The following EMCN variants were observed in gnomAD, a reference collection of about 807,000 sequenced individuals.
EMCN encodes the protein MUC-14.
In EMCN, 37 loss-of-function variants were observed where a neutral mutation model predicts 38.4. The ratio of observed to expected loss-of-function variants is 0.96; its 90% CI spans 0.74 to 1.27. The LOEUF (loss-of-function observed/expected upper bound fraction) is 1.27, where lower values mean the gene tolerates loss of function less well. Among genes scored for constraint, EMCN ranks in the 50% most tolerant of loss-of-function variants. The pLI, the probability that EMCN is intolerant of heterozygous loss-of-function variation, is 0.00. For synonymous variants in EMCN, 95 were observed against 100.8 expected, an observed-to-expected ratio of 0.94 and a Z score of 0.35; for missense variants, 318 against 302.8, an observed-to-expected ratio of 1.05 and a Z score of -0.37.
At chr4:100,476,132 A>G (rs1278084901) in intron 2 of EMCN, among the ~76,000 whole-genome samples, 1 of 151,944 alleles carries the variant, frequency 6.6e-6, no homozygotes, top group Non-Finnish European at 1.5e-5. Flanking sequence ...TCAGTTTGAT[A>G]CCTACTCTCC....
At chr4:100,508,817 T>C (rs1412972366) in intron 1 of EMCN, among the ~76,000 whole-genome samples, 2 of 152,188 alleles carry the variant, frequency 1.3e-5, no homozygotes, top group Non-Finnish European at 2.9e-5. Context: ...CTGGTATGAT[T>C]TGAACAGTCA....
At chr4:100,417,337 G>A (rs1376642433) in intron 8 of EMCN, among the ~76,000 whole-genome samples, 196 bp from the exon 9 acceptor site, 1 of 152,128 alleles carries the variant, frequency 6.6e-6, no homozygotes, top group Non-Finnish European at 1.5e-5. Flanking sequence ...TGGCACTCAT[G>A]GGATAGTCCT....
Position 100,395,759 on chromosome 4 carries a change from T to G in EMCN, c.*2654A>C, listed in dbSNP as rs1376094293. 1.3e-5 allele frequency: 2 copies of G among 152,152 alleles called. No homozygotes were observed. The highest frequency in any genetic ancestry group is 2.9e-5 in the Non-Finnish European group (2 of 68,022). 9.4% of individuals were successfully genotyped at this position (152,152 alleles called of 1,614,324 possible). A position where few individuals can be genotyped will look rare whatever the true frequency, so the allele number is the denominator to read the frequency against. ...ATAACACACAGATTTGTCAACCATA[T>G]GTAACAGAATAGTTCAGTTCAGCAA... On this transcript the variant is annotated 3_prime_UTR_variant, in exon 12 of 12. Coordinates refer to ENST00000296420, the MANE Select transcript of EMCN (RefSeq NM_016242.4).
At chr4:100,416,107 TAC>T in intron 9 of EMCN, 148 bp from the exon 10 acceptor site, 1 of 422,254 alleles carries the variant, frequency 2.4e-6, no homozygotes, top group Non-Finnish European at 4.2e-6. Context: ...TGTGTGTGTA[TAC>T]ATACATATAT....
intron 5 of EMCN, among the ~76,000 whole-genome samples, chr4:100,423,633 A>G (rs1325622967): frequency 2.0e-5 from 3 of 152,154 alleles, no homozygotes; most frequent in African/African-American, 7.2e-5. Context: ...CATCTTCAGG[A>G]ACTCGCCAAG....
At chr4:100,419,910 G>A (rs1387244555) in intron 8 of EMCN, among the ~76,000 whole-genome samples, 2 of 152,104 alleles carry the variant, frequency 1.3e-5, no homozygotes, top group Non-Finnish European at 2.9e-5. Context: ...GCAATGCATG[G>A]TGAGCAGGTG....
chr4:100,421,846 G>C (rs568435098), intron 7 of EMCN, among the ~76,000 whole-genome samples: 1 of 151,940 alleles, frequency 6.6e-6, no homozygotes, highest in African/African-American at 2.4e-5. Flanking sequence ...ACTAGAAAAG[G>C]CATAAAATAA....
intron 5 of EMCN, among the ~76,000 whole-genome samples, chr4:100,424,713 A>G (rs1198027875): frequency 2.6e-5 from 4 of 152,092 alleles, no homozygotes; most frequent in Admixed American, 2.0e-4. Context: ...GGAATATTAA[A>G]TGAAAGAGTG....
intron 5 of EMCN, among the ~76,000 whole-genome samples, chr4:100,441,710 C>T (rs1030355476): frequency 1.3e-4 from 20 of 152,096 alleles, no homozygotes; most frequent in Admixed American, 6.6e-5. Context: ...CCATAAAACA[C>T]CTTATAATCA....
intron 1 of EMCN, among the ~76,000 whole-genome samples, chr4:100,493,373 T>G (rs1729134581): frequency 6.6e-6 from 1 of 152,158 alleles, no homozygotes; most frequent in Non-Finnish European, 1.5e-5. Context: ...GATTGCAGAA[T>G]AGAAAAAAGA....
chr4:100,421,500 A>G (rs1277368154), intron 7 of EMCN, 123 bp from the exon 8 acceptor site: 9 of 740,480 alleles, frequency 1.2e-5, no homozygotes, highest in South Asian at 1.8e-5. Flanking sequence ...TTAAAAACAT[A>G]TTTTAGGCAA....
chr4:100,446,889 T>C lies in EMCN; in HGVS notation c.415+644A>G, dbSNP rs182575252. On this transcript the variant is annotated intron_variant, in intron 5 of 11. Transcript: ENST00000296420. ...ATTTAGTTTTCATTTAGTTTACATA[T>C]ATCAAAGATGACCAGCACTGAAAGC... Among the ~76,000 whole-genome samples, 49 of 152,282 alleles carry C rather than the reference T, an allele frequency of 3.2e-4. No individual in the cohort carries two copies. In the East Asian group the frequency reaches 9.3e-3, roughly 29 times the overall value.
At chr4:100,486,963 T>C (rs1453280739) in intron 1 of EMCN, 3 of 985,070 alleles carry the variant, frequency 3.0e-6, no homozygotes, top group Non-Finnish European at 3.6e-6. Context: ...TATTTTTAGA[T>C]TGTGGACTTT....
At chr4:100,511,091 A>G (rs1305006536) in intron 1 of EMCN, among the ~76,000 whole-genome samples, 9 of 152,206 alleles carry the variant, frequency 5.9e-5, no homozygotes, top group Non-Finnish European at 1.3e-4. Flanking sequence ...AGTGACTTCT[A>G]AATTACTCGA....
In EMCN at chr4:100,401,966, A is replaced by G. The variant is rs1726271637; in HGVS notation, c.*40-3593T>C. ...CTATCTGTTCAATTCTAAAGTTGTT[A>G]TTTTTCCCTTTTAATTTTATATCTT... On this transcript the variant is annotated intron_variant, in intron 11 of 11. Transcript: ENST00000296420. Among the ~76,000 whole-genome samples, 2 of 152,012 alleles carry G rather than the reference A, an allele frequency of 1.3e-5. 1 individual carries two copies. Among genetic ancestry groups the G allele is most frequent in the South Asian group, 4.1e-4 (2 of 4,830 alleles).
chr4:100,442,180 T>C (rs1727540652), intron 5 of EMCN, among the ~76,000 whole-genome samples: 1 of 152,228 alleles, frequency 6.6e-6, no homozygotes, highest in South Asian at 2.1e-4. Flanking sequence ...TGGCTAGCAA[T>C]GCTTTTGTTC....
intron 4 of EMCN, among the ~76,000 whole-genome samples, chr4:100,455,770 A>G (rs1014668539): frequency 2.6e-5 from 4 of 151,376 alleles, no homozygotes; most frequent in African/African-American, 9.7e-5. Flanking sequence ...ATACACTTGG[A>G]TTATCTTCCC....
At chr4:100,419,005 C>T (rs190629555) in intron 8 of EMCN, among the ~76,000 whole-genome samples, 4 of 152,180 alleles carry the variant, frequency 2.6e-5, no homozygotes, top group African/African-American at 7.2e-5. Context: ...TACATTTCCA[C>T]CCACAGCGTA....
At chr4:100,453,248 G>A (rs1350895990) in intron 4 of EMCN, among the ~76,000 whole-genome samples, 2 of 151,880 alleles carry the variant, frequency 1.3e-5, no homozygotes, top group South Asian at 2.1e-4. Flanking sequence ...TACAGAATGG[G>A]AGAAAATTTT....
Sources: gnomAD v4.1 joint callset for allele counts (sites outside exome capture counted in the v4.1 genomes callset) on GRCh38, gnomAD v4.1.1 for gene constraint, MANE v1.5 for transcripts, NCBI Gene and HGNC (gene_info 2026-07-23, HGNC 2026-07-21) for gene names.